Variants in COL13A1 observed in about 807,000 individuals in gnomAD.
The protein encoded by COL13A1 is collagen type XIII alpha 1 chain, also known as collagen alpha-1(XIII) chain.
Under a neutral mutation model 130.9 loss-of-function variants are expected in COL13A1, and 89 were observed. That is an observed-to-expected ratio of 0.68 (90% CI 0.57 to 0.81). The LOEUF is 0.81. Among genes scored for constraint, COL13A1 ranks in the 30% least tolerant of loss-of-function variants. The pLI, the probability that COL13A1 is intolerant of heterozygous loss-of-function variation, is 0.00. For synonymous variants in COL13A1, 402 were observed against 341.6 expected, an observed-to-expected ratio of 1.18 and a Z score of -1.95; for missense variants, 879 against 934.6, an observed-to-expected ratio of 0.94 and a Z score of 0.78.
chr10:69,856,527 A>G (rs1174914414), intron 2 of COL13A1, among the ~76,000 whole-genome samples: 1 of 142,324 alleles, frequency 7.0e-6, no homozygotes, highest in Non-Finnish European at 1.6e-5. Context: ...AAGGTAGAAA[A>G]ACATGGACAT....
intron 2 of COL13A1, among the ~76,000 whole-genome samples, chr10:69,851,392 C>T (rs1004338424): frequency 1.3e-5 from 2 of 152,228 alleles, no homozygotes; most frequent in African/African-American, 4.8e-5. Flanking sequence ...CCTGCCCTGG[C>T]CTTCAAGATC....
At chr10:69,957,886 C>G (rs990257843) in intron 40 of COL13A1, among the ~76,000 whole-genome samples, 1 of 152,278 alleles carries the variant, frequency 6.6e-6, no homozygotes, top group Non-Finnish European at 1.5e-5. Context: ...CATAAAGGGA[C>G]CGGAGACTCC....
chr10:69,849,115 T>TA (rs1246447763), intron 2 of COL13A1, among the ~76,000 whole-genome samples: 1 of 152,274 alleles, frequency 6.6e-6, no homozygotes, highest in Non-Finnish European at 1.5e-5. Context: ...ACCATTTTTT[T>TA]AAATGTCTTA....
intron 1 of COL13A1, among the ~76,000 whole-genome samples, chr10:69,818,200 G>A (rs1465198960): frequency 1.3e-5 from 2 of 152,104 alleles, no homozygotes; most frequent in African/African-American, 4.8e-5. Context: ...CCCAAGGCAG[G>A]GCCTGGCTCC....
chr10:69,855,420 G>A (rs983136173), intron 2 of COL13A1, among the ~76,000 whole-genome samples: 10 of 152,116 alleles, frequency 6.6e-5, no homozygotes, highest in African/African-American at 2.2e-4. Flanking sequence ...CAAAAATGAT[G>A]TTTCACTTGA....
At chr10:69,804,669 A>C (rs1376980851) in intron 1 of COL13A1, among the ~76,000 whole-genome samples, 1 of 146,210 alleles carries the variant, frequency 6.8e-6, no homozygotes. Flanking sequence ...TTTTTGGCCT[A>C]TTCTCATTCA....
At chr10:69,926,992 G>T in intron 26 of COL13A1, 95 bp from the exon 27 acceptor site, 1 of 1,573,306 alleles carries the variant, frequency 6.4e-7, no homozygotes, top group Non-Finnish European at 8.7e-7. Context: ...TCCTTTGAGG[G>T]GCCTAGCTCC....
intron 35 of COL13A1, among the ~76,000 whole-genome samples, chr10:69,942,725 C>T (rs972503339): frequency 6.6e-6 from 1 of 152,232 alleles, no homozygotes; most frequent in African/African-American, 2.4e-5. Context: ...ACACGTGGTA[C>T]AGACGGGGAA....
chr10:69,820,370 C>T (rs570995512), intron 1 of COL13A1, among the ~76,000 whole-genome samples: 1 of 152,226 alleles, frequency 6.6e-6, no homozygotes, highest in Admixed American at 6.5e-5. Context: ...ATGGTTACAA[C>T]CTTTAGCCAA....
At chr10:69,911,059 C>A (rs975252981) in intron 17 of COL13A1, among the ~76,000 whole-genome samples, 4 of 152,162 alleles carry the variant, frequency 2.6e-5, no homozygotes, top group Non-Finnish European at 5.9e-5. Flanking sequence ...TGGGGCTCCC[C>A]AGAAACAGGA....
chr10:69,907,448 A>G (rs2062876719), intron 17 of COL13A1, among the ~76,000 whole-genome samples: 1 of 152,212 alleles, frequency 6.6e-6, no homozygotes, highest in Admixed American at 6.5e-5. Context: ...GTGTCATCCC[A>G]TGGTGGACAG....
chr10:69,803,710 C>T (rs935289644), intron 1 of COL13A1, among the ~76,000 whole-genome samples: 3 of 152,046 alleles, frequency 2.0e-5, no homozygotes, highest in African/African-American at 7.2e-5. Context: ...AGGGAGTGTG[C>T]AGCAGTAAAG....
chr10:69,803,705 G>A (rs1343553433), intron 1 of COL13A1, among the ~76,000 whole-genome samples: 1 of 152,130 alleles, frequency 6.6e-6, no homozygotes, highest in Non-Finnish European at 1.5e-5. Flanking sequence ...GCTGGAGGGA[G>A]TGTGCAGCAG....
intron 35 of COL13A1, among the ~76,000 whole-genome samples, chr10:69,942,517 C>G (rs1179422049): frequency 2.6e-5 from 4 of 152,198 alleles, no homozygotes; most frequent in Admixed American, 2.6e-4. Flanking sequence ...CAAATTCATA[C>G]ACTCTGTCCC....
intron 2 of COL13A1, among the ~76,000 whole-genome samples, chr10:69,849,162 A>G (rs766332166): frequency 6.6e-6 from 1 of 152,254 alleles, no homozygotes; most frequent in Non-Finnish European, 1.5e-5. Context: ...GTGCTTACAG[A>G]GAACGGGTTT....
chr10:69,825,816 C>T (rs1172565206), intron 2 of COL13A1, among the ~76,000 whole-genome samples: 1 of 152,190 alleles, frequency 6.6e-6, no homozygotes, highest in African/African-American at 2.4e-5. Context: ...TCTGACCTTC[C>T]CAGCATCCTC....
At chr10:69,872,042 G>A in intron 3 of COL13A1, 142 bp from the exon 4 acceptor site, 1 of 923,468 alleles carries the variant, frequency 1.1e-6, no homozygotes. Context: ...TAGCGATCAA[G>A]GCTCCCCCTT....
chr10:69,813,910 A>C (rs1843725402), intron 1 of COL13A1, among the ~76,000 whole-genome samples: 1 of 151,992 alleles, frequency 6.6e-6, no homozygotes, highest in South Asian at 2.1e-4. Flanking sequence ...TCCCTCCCCC[A>C]TGCCCATTTA....
rs187252933 is a variant in COL13A1, at chr10:69,827,401, A to G, written c.364+4963A>G. Among the ~76,000 whole-genome samples, 998 of 152,320 alleles carry G rather than the reference A, an allele frequency of 6.6e-3. 11 individuals are homozygous for G. Among genetic ancestry groups the G allele is most frequent in the African/African-American group, 0.023 (938 of 41,556 alleles). On this transcript the variant is annotated intron_variant, in intron 2 of 40. Transcript: ENST00000645393. ...AGCTTCTGAGGCTGTATCCAGGTTC[A>G]GCAGAAAATGTGGTAATTGCTTATT...
Sources: gnomAD v4.1 joint callset for allele counts (sites outside exome capture counted in the v4.1 genomes callset) on GRCh38, gnomAD v4.1.1 for gene constraint, MANE v1.5 for transcripts, NCBI Gene and HGNC (gene_info 2026-07-23, HGNC 2026-07-21) for gene names.